LTBP3: variants seen among roughly 807,000 people sequenced by gnomAD.
The protein encoded by LTBP3 is latent transforming growth factor beta binding protein 3.
In LTBP3, 97 loss-of-function variants were observed where a neutral mutation model predicts 159.7. The observed-to-expected ratio is 0.61, with a 90% confidence interval of 0.52 to 0.72. The LOEUF (loss-of-function observed/expected upper bound fraction) is 0.72, where lower values mean the gene tolerates loss of function less well. LTBP3 is among the 30% of genes least tolerant of loss of function. The probability of loss-of-function intolerance (pLI) is 0.00; values close to 1 mark genes in which losing one functional copy is unlikely to be tolerated. For missense variants in LTBP3, 1,584 were observed against 1,864.3 expected, an observed-to-expected ratio of 0.85 and a Z score of 2.77; for synonymous variants, 824 against 777.1, an observed-to-expected ratio of 1.06 and a Z score of -1.00.
At chr11:65,542,832 G>T in intron 18 of LTBP3, 1 of 467,924 alleles carries the variant, frequency 2.1e-6, no homozygotes, top group African/African-American at 2.0e-5. Context: ...TAACTGTCAT[G>T]TTTACTGTGA....
intron 16 of LTBP3, among the ~76,000 whole-genome samples, chr11:65,545,994 A>G (rs1856349637): frequency 1.3e-5 from 2 of 151,992 alleles, no homozygotes; most frequent in Admixed American, 1.3e-4. Context: ...GTGATTCTTT[A>G]AGATGACCCA....
chr11:65,551,490 G>T lies in LTBP3; in HGVS notation c.1549-16C>A, dbSNP rs369277746. The T allele has an allele frequency of 2.1e-4, 335 of 1,614,058 alleles. No homozygotes were observed. Among genetic ancestry groups the T allele is most frequent in the Middle Eastern group, 3.3e-4 (2 of 6,062 alleles). ...CACTCACCGGCTGCGGGTGACAGCA[G>T]CATGAGCCCTCCTGTCCCTCGCCTG... On this transcript the variant is annotated splice_polypyrimidine_tract_variant and intron_variant, in intron 9 of 27. Transcript: ENST00000301873.
intron 1 of LTBP3, among the ~76,000 whole-genome samples, chr11:65,557,209 T>G (rs936764415): frequency 1.3e-5 from 2 of 152,128 alleles, no homozygotes; most frequent in African/African-American, 4.8e-5. Flanking sequence ...GGCCCTACTT[T>G]AGACATTTTG....
rs1463356330 is a variant in LTBP3, at chr11:65,540,132, G to T, written c.3266C>A (p.Pro1089Gln). Residue 1089 changes from proline (P) to glutamine (Q), a missense_variant, in exon 24 of 28, where the codon CCG (proline) becomes CAG (glutamine). Pro to Gln is a moderately conservative substitution (Grantham distance 76, BLOSUM62 -1). This residue lies in a region of LTBP3 where 514 missense variants were observed against 530.3 expected (regional missense o/e 0.97). Coordinates refer to ENST00000301873, the MANE Select transcript of LTBP3 (RefSeq NM_001130144.3). Reference sequence around the variant, plus strand: ...GCAGCGGCCAGGGCGGCAGGCTGCCGGGTCCTGGCACTCGTCCACGTCTAC... The same window carrying T: ...GCAGCGGCCAGGGCGGCAGGCTGCCTGGTCCTGGCACTCGTCCACGTCTAC... ...EEMDVDECQD[P>Q]AACRPGRCVN... is the part of the protein sequence containing the mutation. 1 of 1,527,356 alleles carries T rather than the reference G, an allele frequency of 6.5e-7. No homozygotes were observed. Among genetic ancestry groups the T allele is most frequent in the Admixed American group, 2.0e-5 (1 of 50,454 alleles). 94.6% of individuals were successfully genotyped at this position (1,527,356 alleles called of 1,614,324 possible).
At position 65,539,131 on chromosome 11, in the gene LTBP3, G is replaced by A; in HGVS notation, c.3861C>T (p.Gly1287=). The change falls in exon 28 of 28, where the codon GGC becomes GGT. Residue 1287 remains glycine (G), a synonymous_variant. Transcript: ENST00000301873. The part of the protein sequence containing the change: ...SGSFRCVCKA[G]FARSRPHGAC... ...CCCCGTGCGGGCGGCTGCGCGCGAA[G>A]CCGGCTTTGCAGACGCAGCGGAAGG... 2 of 1,483,056 alleles carry A rather than the reference G, an allele frequency of 1.3e-6. No homozygotes were observed. Among genetic ancestry groups the A allele is most frequent in the African/African-American group, 2.9e-5 (2 of 68,448 alleles). 91.9% of individuals were successfully genotyped at this position (1,483,056 alleles called of 1,614,324 possible). A position where few individuals can be genotyped will look rare whatever the true frequency, so the allele number is the denominator to read the frequency against.
Position 65,552,760 on chromosome 11 carries a change from T to C in LTBP3, c.1186+100A>G. ...TATTGGCTCTGGGCCTTGTTCCTCC[T>C]GCAGTCAACCCTTAACCCCACTCTG... On this transcript the variant is annotated intron_variant, in intron 6 of 27. Transcript: ENST00000301873. This position sits in a 1 kb window ranked among gnomAD's most constrained non-coding sequence, Gnocchi z 6.0. 6.4e-7 allele frequency: 1 copy of C among 1,563,938 alleles called. No individual in the cohort carries two copies. Among genetic ancestry groups the C allele is most frequent in the Non-Finnish European group, 8.8e-7 (1 of 1,137,068 alleles).
At chr11:65,550,766 G>A (rs1856574848) in intron 11 of LTBP3, among the ~76,000 whole-genome samples, 1 of 152,174 alleles carries the variant, frequency 6.6e-6, no homozygotes, top group Non-Finnish European at 1.5e-5. Flanking sequence ...GGAGGCTGCG[G>A]TGAGCCGAGA....
chr11:65,544,895 C>T (rs1398947544), intron 16 of LTBP3: 1 of 152,484 alleles, frequency 6.6e-6, no homozygotes, highest in Non-Finnish European at 1.5e-5. Context: ...ATACCAAAGC[C>T]CCACTTTGGA....
intron 1 of LTBP3, among the ~76,000 whole-genome samples, chr11:65,555,190 C>A (rs1419249116): frequency 2.0e-5 from 3 of 152,220 alleles, no homozygotes; most frequent in Non-Finnish European, 4.4e-5. Context: ...CACCCAGACC[C>A]CTCCTTGGCT....
intron 18 of LTBP3, 118 bp downstream of exon 18, chr11:65,542,987 T>C: frequency 6.9e-6 from 9 of 1,295,082 alleles, no homozygotes; most frequent in Non-Finnish European, 9.9e-6. Flanking sequence ...GATGGATGGA[T>C]GGATGGATGA....
In LTBP3 at chr11:65,547,569, T is replaced by C. The variant is rs1484142157; in HGVS notation, c.1979-2A>G. 1.2e-6 allele frequency: 2 copies of C among 1,613,682 alleles called. No individual in the cohort carries two copies. Among genetic ancestry groups the C allele is most frequent in the Non-Finnish European group, 1.7e-6 (2 of 1,179,750 alleles). On this transcript the variant is annotated splice_acceptor_variant, in intron 13 of 27. Transcript: ENST00000301873. LOFTEE classifies it high-confidence loss of function. This position sits in a 1 kb window ranked among gnomAD's most constrained non-coding sequence, Gnocchi z 4.6. The stretch of plus-strand genomic sequence containing the variant: ...GGGGCTTGGCGCATTCGTTCAGGTC[T>C]GTGCGGGAGGAAGGGGCCACGAAGG...
Position 65,546,731 on chromosome 11 carries a change from C to T in LTBP3, c.2230+67G>A, listed in dbSNP as rs1856388168. 2.3e-5 allele frequency: 36 copies of T among 1,543,542 alleles called. No individual in the cohort carries two copies. The highest frequency in any genetic ancestry group is 3.0e-5 in the Non-Finnish European group (34 of 1,144,630). ...TCACCACCGCTACCCCGCCCCGCCC[C>T]CAGCGGAGCCAGACTGGGGGAGGCA... is the stretch of plus-strand genomic sequence containing the variant. On this transcript the variant is annotated intron_variant, in intron 15 of 27. Coordinates refer to ENST00000301873, the MANE Select transcript of LTBP3 (RefSeq NM_001130144.3). The surrounding 1 kb of genome is among the most constrained non-coding windows in gnomAD (Gnocchi z 4.0).
At chr11:65,541,577 G>A (rs760092972) in intron 19 of LTBP3, 23 bp downstream of exon 19, 1 of 1,614,038 alleles carries the variant, frequency 6.2e-7, no homozygotes, top group Non-Finnish European at 8.5e-7. Flanking sequence ...CCAGTCCGAG[G>A]GAGGAGCTGG....
chr11:65,540,532 G>C lies in LTBP3; in HGVS notation c.3060C>G (p.Tyr1020Ter). 1 of 1,613,868 alleles carries C rather than the reference G, an allele frequency of 6.2e-7. No homozygotes were observed. The highest frequency in any genetic ancestry group is 8.5e-7 in the Non-Finnish European group (1 of 1,179,914). ...CVNTQPGYECYCKQGFYYDGN... is the reference protein window; with the variant it reads ...CVNTQPGYEC The stretch of plus-strand genomic sequence containing the variant: ...CGTCGTAGTAGAAGCCCTGCTTGCA[G>C]TAGCACTCGTAGCCAGGCTGCGTGT... Residue 1020 changes from tyrosine to a stop codon, truncating the protein, a stop_gained, in exon 22 of 28, where the codon TAC becomes TAG. Transcript: ENST00000301873. LOFTEE classifies it high-confidence loss of function.
In LTBP3 at chr11:65,541,241, T is replaced by C. The variant is rs1266689051; in HGVS notation, c.2778A>G (p.Thr926=). The C allele has an allele frequency of 2.5e-6, 4 of 1,613,662 alleles. No individual in the cohort carries two copies. The highest frequency in any genetic ancestry group is 3.4e-6 in the Non-Finnish European group (4 of 1,179,974). Residue 926 remains threonine (T), a synonymous_variant, in exon 20 of 28, where the codon ACA becomes ACG. Transcript: ENST00000301873. ...KKECYLNFDD[T]VFCDSVLATN... is the part of the protein sequence containing the mutation. ...TGGCCAATACGCTGTCGCAGAACAC[T>C]GTGTCATCGAAGTTCAGGTAGCACT...
Position 65,539,729 on chromosome 11 carries a change from G to A in LTBP3, c.3538C>T (p.Arg1180Cys). 1.9e-6 allele frequency: 3 copies of A among 1,548,914 alleles called. No individual in the cohort carries two copies. The highest frequency in any genetic ancestry group is 1.7e-6 in the Non-Finnish European group (2 of 1,153,936). ...TCCCCGACTGCCTTACCCGCGCCGC[G>A]CGGCGGGCACGGTCGGCATTGGGCG... ...WGAQCRPCPP[R>C]GAGSHCPTSQ... The change falls in exon 25 of 28, where the codon CGC (arginine) becomes TGC (cysteine). Residue 1180 changes from arginine to cysteine, a missense_variant. Physicochemically the swap from Arg to Cys is radical, Grantham distance 180. This residue lies in a region of LTBP3 where 514 missense variants were observed against 530.3 expected (regional missense o/e 0.97). Transcript: ENST00000301873.
At position 65,547,608 on chromosome 11, in the gene LTBP3, G is replaced by C. The variant is rs1856430780; in HGVS notation, c.1979-41C>G. On this transcript the variant is annotated intron_variant, in intron 13 of 27. Coordinates refer to ENST00000301873, the MANE Select transcript of LTBP3 (RefSeq NM_001130144.3). This position sits in a 1 kb window ranked among gnomAD's most constrained non-coding sequence, Gnocchi z 4.6. ...GGGCCACGAAGGGGGTGTAGGAGGC[G>C]GCGGGCAAGGGGAGGGATTACACGG... is the stretch of plus-strand genomic sequence containing the variant. 6.2e-7 allele frequency: 1 copy of C among 1,611,058 alleles called. No individual in the cohort carries two copies. Among genetic ancestry groups the C allele is most frequent in the African/African-American group, 1.3e-5 (1 of 74,890 alleles).
rs1590753042 is a variant in LTBP3, at chr11:65,538,828, C to T, written c.*252G>A. The T allele has an allele frequency of 3.7e-6, 3 of 814,454 alleles. No individual in the cohort carries two copies. Among genetic ancestry groups the T allele is most frequent in the Admixed American group, 3.5e-5 (1 of 28,310 alleles). The allele number at this position is 814,454 out of a possible 1,614,324, so 50.5% of individuals were successfully genotyped here. On this transcript the variant is annotated 3_prime_UTR_variant, in exon 28 of 28. Coordinates refer to ENST00000301873, the MANE Select transcript of LTBP3 (RefSeq NM_001130144.3). ...TTCGAAAGCCAAGGGTAAAGAGGCA[C>T]GATCTGATTTATCAGTTTCTAGGAA...
chr11:65,540,061 C>A lies in LTBP3; in HGVS notation c.3337G>T (p.Val1113Leu). ...SYRCECRPPWVPGPSGRDCQL... is the reference protein window; with the variant it reads ...SYRCECRPPWLPGPSGRDCQL... ...CAATCGCGGCCGGAGGGCCCGGGCACCCAGGGCGGGCGACACTCGCAGCGG... is the reference window on the plus strand; with the variant it reads ...CAATCGCGGCCGGAGGGCCCGGGCAACCAGGGCGGGCGACACTCGCAGCGG... Residue 1113 changes from valine to leucine, a missense_variant, in exon 24 of 28, where the codon GTG becomes TTG. Transcript: ENST00000301873. 1.3e-6 allele frequency: 2 copies of A among 1,522,748 alleles called. No individual in the cohort carries two copies. The highest frequency in any genetic ancestry group is 4.0e-5 in the Admixed American group (2 of 50,050). 94.3% of individuals were successfully genotyped at this position (1,522,748 alleles called of 1,614,324 possible).
Sources: allele counts gnomAD v4.1 joint callset (sites outside exome capture counted in the v4.1 genomes callset), GRCh38; gene constraint gnomAD v4.1.1; regional missense constraint gnomAD v4.1.1; non-coding constraint Gnocchi (gnomAD v3.1); transcripts MANE v1.5; gene names NCBI Gene and HGNC (gene_info 2026-07-23, HGNC 2026-07-21).